Variants in ETV5 observed in about 807,000 individuals in gnomAD.
ETV5 encodes the protein ETS translocation variant 5.
In ETV5, 10 loss-of-function variants were observed where a neutral mutation model predicts 70.0. The observed-to-expected ratio is 0.14, with a 90% CI of 0.09 to 0.24. ETV5 has a LOEUF of 0.24. ETV5 is among the 10% of genes least tolerant of loss of function. ETV5 has a pLI of 1.00. For synonymous variants in ETV5, 216 were observed against 242.2 expected, an observed-to-expected ratio of 0.89 and a Z score of 1.01; for missense variants, 453 against 651.2, an observed-to-expected ratio of 0.70 and a Z score of 3.31.
chr3:186,095,301 C>T (rs938814417), intron 5 of ETV5: 4 of 152,120 alleles, frequency 2.6e-5, no homozygotes, highest in Non-Finnish European at 5.9e-5. Context: ...TAAGGGGAAA[C>T]AGGACATTTT....
intron 1 of ETV5, among the ~76,000 whole-genome samples, chr3:186,107,802 A>G (rs888873297): frequency 6.6e-6 from 1 of 152,188 alleles, no homozygotes; most frequent in South Asian, 2.1e-4. Context: ...CATCAGGTAG[A>G]GGCTGTAACT....
chr3:186,106,930 C>T, intron 1 of ETV5: 1 of 984,678 alleles, frequency 1.0e-6, no homozygotes. Context: ...GGTGGAAAAA[C>T]ATTAATTTCA....
intron 9 of ETV5, among the ~76,000 whole-genome samples, chr3:186,058,739 T>TG (rs1713227861): frequency 6.6e-6 from 1 of 152,176 alleles, no homozygotes; most frequent in Non-Finnish European, 1.5e-5. Context: ...GATTGGTTTG[T>TG]TGAAGACAAA....
chr3:186,078,141 C>T, intron 7 of ETV5: 4 of 1,051,368 alleles, frequency 3.8e-6, no homozygotes, highest in Non-Finnish European at 4.6e-6. Context: ...TACCCATCTC[C>T]CAATTCTCCA....
chr3:186,064,247 T>A (rs1713380182), intron 9 of ETV5, 170 bp downstream of exon 9: 1 of 643,244 alleles, frequency 1.6e-6, no homozygotes, highest in East Asian at 2.7e-5. Context: ...TAAGCAAGGT[T>A]TAAACTATGA....
intron 5 of ETV5, among the ~76,000 whole-genome samples, chr3:186,094,109 C>T (rs752564104): frequency 7.9e-5 from 12 of 152,162 alleles, no homozygotes; most frequent in Non-Finnish European, 1.6e-4. Context: ...CTTCTATCAG[C>T]GAATGATATG....
chr3:186,065,393 T>C (rs1435297252), intron 8 of ETV5, among the ~76,000 whole-genome samples: 4 of 152,226 alleles, frequency 2.6e-5, no homozygotes, highest in Non-Finnish European at 5.9e-5. Context: ...CACTTGGTAA[T>C]TTTTCTGTCA....
At chr3:186,089,188 T>C (rs1714124909) in intron 5 of ETV5, among the ~76,000 whole-genome samples, 1 of 152,206 alleles carries the variant, frequency 6.6e-6, no homozygotes, top group African/African-American at 2.4e-5. Context: ...GATGTCTGGA[T>C]TTCCAAACCA....
At chr3:186,067,305 G>A (rs1713472124) in intron 7 of ETV5, among the ~76,000 whole-genome samples, 1 of 152,200 alleles carries the variant, frequency 6.6e-6, no homozygotes, top group Admixed American at 6.5e-5. Flanking sequence ...GGTTGTGCGC[G>A]CCTGTAGTCC....
chr3:186,083,094 T>C (rs1307448046), intron 5 of ETV5, among the ~76,000 whole-genome samples: 2 of 152,226 alleles, frequency 1.3e-5, no homozygotes, highest in Non-Finnish European at 2.9e-5. Flanking sequence ...ACACAGAAAA[T>C]AGCGAAGCTT....
At chr3:186,049,616 A>C (rs1460385659) in intron 12 of ETV5, among the ~76,000 whole-genome samples, 2 of 152,224 alleles carry the variant, frequency 1.3e-5, no homozygotes, top group African/African-American at 4.8e-5. Flanking sequence ...CAGAGGGGGA[A>C]GGGAAGGCAG....
chr3:186,048,630 C>T lies in ETV5; in HGVS notation c.*9G>A. On this transcript the variant is annotated 3_prime_UTR_variant, in exon 13 of 13. Coordinates refer to ENST00000306376, the MANE Select transcript of ETV5 (RefSeq NM_004454.3). Reference sequence around the variant, plus strand: ...GCTCTAGGGTTTGGCCACTCCGCCACTCAGAAACTTAGTAAGCAAAGCCTT... The same window carrying T: ...GCTCTAGGGTTTGGCCACTCCGCCATTCAGAAACTTAGTAAGCAAAGCCTT... 6.2e-7 allele frequency: 1 copy of T among 1,613,818 alleles called. No individual in the cohort carries two copies. The highest frequency in any genetic ancestry group is 1.7e-5 in the Admixed American group (1 of 60,022).
intron 5 of ETV5, among the ~76,000 whole-genome samples, chr3:186,100,138 G>T (rs896595532): frequency 1.7e-4 from 26 of 152,112 alleles, no homozygotes; most frequent in African/African-American, 6.3e-4. Context: ...TAAGGTACTG[G>T]GCTAACTAAC....
chr3:186,051,172 C>T (rs574112555), intron 12 of ETV5, among the ~76,000 whole-genome samples: 6 of 152,100 alleles, frequency 3.9e-5, no homozygotes, highest in South Asian at 2.1e-4. Context: ...TTTAAGGTGG[C>T]GAGGAGAATA....
At chr3:186,076,394 C>T (rs1317837049) in intron 7 of ETV5, 1 of 195,272 alleles carries the variant, frequency 5.1e-6, no homozygotes, top group Non-Finnish European at 1.1e-5. Flanking sequence ...TTTCTGACCC[C>T]TGGGCCAGCT....
At position 186,048,137 on chromosome 3, in the gene ETV5, CT is replaced by C. The variant is rs1423901681; in HGVS notation, c.*501del. The stretch of plus-strand genomic sequence containing the variant: ...AATATTTCAGATTCAGCTAGAAGAG[CT>C]TTCCAATGTTTAAGATGTATTTTTA... On this transcript the variant is annotated 3_prime_UTR_variant, in exon 13 of 13. Transcript: ENST00000306376. 4 of 235,582 alleles carry C rather than the reference CT, an allele frequency of 1.7e-5. No individual in the cohort carries two copies. Among genetic ancestry groups the C allele is most frequent in the Non-Finnish European group, 3.3e-5 (4 of 119,484 alleles). The allele number at this position is 235,582 out of a possible 1,614,324, so 14.6% of individuals were successfully genotyped here. A position where few individuals can be genotyped will look rare whatever the true frequency, so the allele number is the denominator to read the frequency against.
chr3:186,105,773 A>ACTCATATTG lies in ETV5; in HGVS notation c.45+42_45+50dup, dbSNP rs1458925649. ...TAGTAAAGAGGTCCACAGGGGGAAG[A>ACTCATATTG]CTCATATTGGAGAGGGAGGACAAAA... On this transcript the variant is annotated intron_variant, in intron 2 of 12. Transcript: ENST00000306376. This position sits in a 1 kb window ranked among gnomAD's most constrained non-coding sequence, Gnocchi z 4.5. 1.9e-6 allele frequency: 3 copies of ACTCATATTG among 1,610,626 alleles called. No individual in the cohort carries two copies. The highest frequency in any genetic ancestry group is 1.7e-5 in the Admixed American group (1 of 59,980).
chr3:186,107,977 T>G lies in ETV5; in HGVS notation c.-75+963A>C, dbSNP rs185196900. ...CACCCCAGCGTTTTAGGAAGAAAGCTCAATGCTTCATTCACAAAAAGGGAA... is the reference window on the plus strand; with the variant it reads ...CACCCCAGCGTTTTAGGAAGAAAGCGCAATGCTTCATTCACAAAAAGGGAA... On this transcript the variant is annotated intron_variant, in intron 1 of 12. Transcript: ENST00000306376. 8.9e-4 allele frequency among the ~76,000 whole-genome samples: 121 copies of G among 136,464 alleles called. 1 individual carries two copies. The highest frequency in any genetic ancestry group is 2.3e-3 in the African/African-American group (82 of 35,684). The allele number at this position is 136,464 out of a possible 152,430, so 89.5% of individuals were successfully genotyped here.
chr3:186,083,520 C>T (rs1578553763), intron 5 of ETV5, among the ~76,000 whole-genome samples: 1 of 152,156 alleles, frequency 6.6e-6, no homozygotes, highest in East Asian at 1.9e-4. Flanking sequence ...GTATTTGTTT[C>T]AGGAACTGCA....
Sources: allele counts gnomAD v4.1 joint callset (sites outside exome capture counted in the v4.1 genomes callset), GRCh38; gene constraint gnomAD v4.1.1; non-coding constraint Gnocchi (gnomAD v3.1); transcripts MANE v1.5; gene names NCBI Gene and HGNC (gene_info 2026-07-23, HGNC 2026-07-21).